Variants in ADAMTS12 observed in about 807,000 individuals in gnomAD.
ADAMTS12 encodes the protein A disintegrin and metalloproteinase with thrombospondin motifs 12.
A neutral mutation model predicts 167.8 loss-of-function variants in ADAMTS12; 118 were observed. The ratio of observed to expected loss-of-function variants is 0.70; its 90% confidence interval spans 0.61 to 0.82. The LOEUF (loss-of-function observed/expected upper bound fraction) is 0.82. Ranked by LOEUF, ADAMTS12 falls within the 40% of genes least tolerant of loss-of-function variation. ADAMTS12 has a pLI of 0.00. For synonymous variants in ADAMTS12, 704 were observed against 716.9 expected (o/e 0.98, Z 0.29); for missense variants, 1,916 against 1,998.8 (o/e 0.96, Z 0.79).
At chr5:33,593,823 G>A (rs1252036012) in intron 17 of ADAMTS12, among the ~76,000 whole-genome samples, 4 of 152,132 alleles carry the variant, frequency 2.6e-5, no homozygotes, top group African/African-American at 9.7e-5. Context: ...TTCTGCACAT[G>A]TATCCCAGAA....
chr5:33,881,614 T>G (rs1580016225), intron 1 of ADAMTS12, 134 bp from the exon 2 acceptor site: 1 of 1,297,040 alleles, frequency 7.7e-7, no homozygotes, highest in Non-Finnish European at 1.0e-6. Context: ...CAGGCTGGAG[T>G]GCAATGGCAC....
intron 2 of ADAMTS12, among the ~76,000 whole-genome samples, chr5:33,770,032 T>C (rs779752062): frequency 3.9e-5 from 6 of 152,144 alleles, no homozygotes; most frequent in Non-Finnish European, 8.8e-5. Flanking sequence ...TTTTGAAAAA[T>C]ATCATGTCTG....
chr5:33,535,140 CTAATAAT>C, intron 22 of ADAMTS12, 148 bp from the exon 23 acceptor site: 1 of 764,850 alleles, frequency 1.3e-6, no homozygotes, highest in South Asian at 2.3e-5. Flanking sequence ...AATAAAGGCA[CTAATAAT>C]TTGGAGATGT....
At chr5:33,611,350 T>G (rs1395249574) in intron 16 of ADAMTS12, among the ~76,000 whole-genome samples, 2 of 151,310 alleles carry the variant, frequency 1.3e-5, no homozygotes, top group Non-Finnish European at 2.9e-5. Context: ...TTTTTTTTTT[T>G]GTCTTTAATA....
intron 6 of ADAMTS12, among the ~76,000 whole-genome samples, 173 bp from the exon 7 acceptor site, chr5:33,658,506 T>G (rs766145998): frequency 1.3e-5 from 2 of 152,248 alleles, no homozygotes; most frequent in Non-Finnish European, 2.9e-5. Context: ...GAGATGATTC[T>G]GATTTTACCT....
chr5:33,689,614 A>G (rs939127251), intron 3 of ADAMTS12, among the ~76,000 whole-genome samples: 6 of 152,150 alleles, frequency 3.9e-5, no homozygotes, highest in Admixed American at 2.6e-4. Context: ...CTCAGGGAAG[A>G]TATTCTGGAC....
chr5:33,554,047 G>T (rs974889278), intron 20 of ADAMTS12, among the ~76,000 whole-genome samples: 1 of 152,142 alleles, frequency 6.6e-6, no homozygotes, highest in East Asian at 1.9e-4. Context: ...ATGAATAGAA[G>T]AAATAAAGAT....
At chr5:33,884,560 G>A (rs1263992308) in intron 1 of ADAMTS12, among the ~76,000 whole-genome samples, 1 of 152,098 alleles carries the variant, frequency 6.6e-6, no homozygotes, top group Non-Finnish European at 1.5e-5. Flanking sequence ...CCTTGAGTTG[G>A]GGCACAGTAG....
At chr5:33,722,047 C>T (rs959441761) in intron 3 of ADAMTS12, among the ~76,000 whole-genome samples, 20 of 152,302 alleles carry the variant, frequency 1.3e-4, no homozygotes, top group Admixed American at 1.0e-3. Context: ...AGTCAACTTT[C>T]CTTTATAACT....
chr5:33,663,572 T>C (rs1741347937), intron 5 of ADAMTS12, among the ~76,000 whole-genome samples: 1 of 152,228 alleles, frequency 6.6e-6, no homozygotes. Context: ...GAAGGCATTA[T>C]CATTTTTATT....
chr5:33,581,401 G>A (rs1190789874), intron 18 of ADAMTS12, among the ~76,000 whole-genome samples: 1 of 152,134 alleles, frequency 6.6e-6, no homozygotes, highest in Non-Finnish European at 1.5e-5. Flanking sequence ...GGAACCCACT[G>A]AGAAAGAGGT....
chr5:33,557,387 G>A (rs1465679619), intron 20 of ADAMTS12, among the ~76,000 whole-genome samples: 1 of 152,118 alleles, frequency 6.6e-6, no homozygotes, highest in Non-Finnish European at 1.5e-5. Flanking sequence ...TCCTGCTCTG[G>A]ATTTTGAAGG....
In ADAMTS12 at chr5:33,641,882, G is replaced by A; in HGVS notation, c.1646C>T (p.Ser549Leu). Residue 549 changes from serine (S) to leucine (L), a missense_variant, in exon 11 of 24, where the codon TCA (serine) becomes TTA (leucine). Coordinates refer to ENST00000504830, the MANE Select transcript of ADAMTS12 (RefSeq NM_030955.4). ...ESIPGGWGRW[S>L]PWSHCSRTCG... ...GGTCCTGGAACAGTGGGACCAGGGT[G>A]ACCAGCGGCCCCAGCCTCCAGGAAT... 1 of 1,613,788 alleles carries A rather than the reference G, an allele frequency of 6.2e-7. No homozygotes were observed. Among genetic ancestry groups the A allele is most frequent in the Non-Finnish European group, 8.5e-7 (1 of 1,179,766 alleles).
chr5:33,576,724 G>A lies in ADAMTS12; in HGVS notation c.3302C>T (p.Pro1101Leu), dbSNP rs374901254. The change falls in exon 19 of 24, where the codon CCA (proline) becomes CTA (leucine). Residue 1101 changes from proline (P) to leucine (L), a missense_variant. Coordinates refer to ENST00000504830, the MANE Select transcript of ADAMTS12 (RefSeq NM_030955.4). ...TGAACTGGAAACATTTTCCTCACTT[G>A]GCTGAATGCTCAAGGATTGGGAAGT... ...ILTSQSLSIQ[P>L]SEENVSSSDT... is the part of the protein sequence containing the mutation. 6.2e-7 allele frequency: 1 copy of A among 1,614,072 alleles called. No individual in the cohort carries two copies. The highest frequency in any genetic ancestry group is 1.7e-5 in the Admixed American group (1 of 59,996).
intron 9 of ADAMTS12, among the ~76,000 whole-genome samples, chr5:33,646,242 T>C (rs987121533): frequency 6.6e-6 from 1 of 152,216 alleles, no homozygotes; most frequent in Non-Finnish European, 1.5e-5. Flanking sequence ...ATATTTTAAA[T>C]ATTTTAAGTG....
At chr5:33,598,299 A>G (rs1196635524) in intron 16 of ADAMTS12, among the ~76,000 whole-genome samples, 1 of 152,200 alleles carries the variant, frequency 6.6e-6, no homozygotes, top group Non-Finnish European at 1.5e-5. Context: ...ACCCCCTGAC[A>G]TTATAGGATA....
intron 3 of ADAMTS12, among the ~76,000 whole-genome samples, chr5:33,715,378 G>A (rs182570587): frequency 6.6e-6 from 1 of 152,192 alleles, no homozygotes; most frequent in Admixed American, 6.6e-5. Flanking sequence ...GGACACTAAG[G>A]AGAGAATTCA....
chr5:33,814,732 A>G (rs1747584996), intron 2 of ADAMTS12, among the ~76,000 whole-genome samples: 1 of 152,204 alleles, frequency 6.6e-6, no homozygotes, highest in African/African-American at 2.4e-5. Context: ...AGTGTACAAC[A>G]TGCACACTAG....
At chr5:33,770,590 G>A (rs1366463378) in intron 2 of ADAMTS12, among the ~76,000 whole-genome samples, 1 of 152,098 alleles carries the variant, frequency 6.6e-6, no homozygotes, top group Non-Finnish European at 1.5e-5. Flanking sequence ...CTAAGAGAGA[G>A]CTTGTGTTGC....
Sources: allele counts gnomAD v4.1 joint callset (sites outside exome capture counted in the v4.1 genomes callset), GRCh38; gene constraint gnomAD v4.1.1; transcripts MANE v1.5; gene names NCBI Gene and HGNC (gene_info 2026-07-23, HGNC 2026-07-21).